SLFN12L: variants seen among roughly 807,000 people sequenced by gnomAD.
SLFN12L encodes the protein schlafen family member 12-like.
Under a neutral mutation model 34.8 loss-of-function variants are expected in SLFN12L, and 34 were observed. The observed-to-expected ratio is 0.98, with a 90% CI of 0.74 to 1.30. The LOEUF (loss-of-function observed/expected upper bound fraction) is 1.30, where lower values mean the gene tolerates loss of function less well. SLFN12L is among the 50% of genes most tolerant of loss of function. The probability of loss-of-function intolerance (pLI) is 0.00; values close to 1 mark genes in which losing one functional copy is unlikely to be tolerated. For synonymous variants in SLFN12L, 259 were observed against 247.5 expected, an observed-to-expected ratio of 1.05 and a Z score of -0.44; for missense variants, 703 against 696.2, an observed-to-expected ratio of 1.01 and a Z score of -0.11.
chr17:35,528,853 T>C (rs1372032506), intron 1 of SLFN12L, among the ~76,000 whole-genome samples: 1 of 152,086 alleles, frequency 6.6e-6, no homozygotes, highest in African/African-American at 2.4e-5. Context: ...GGGATCTAAT[T>C]AAACTAAAGA....
chr17:35,509,682 A>T (rs960072833), intron 2 of SLFN12L, among the ~76,000 whole-genome samples: 2 of 151,958 alleles, frequency 1.3e-5, no homozygotes, highest in African/African-American at 4.8e-5. Flanking sequence ...TGAAATATTA[A>T]ATATTTTAAA....
chr17:35,522,249 T>A, intron 2 of SLFN12L, 30 bp downstream of exon 2: 1 of 1,612,348 alleles, frequency 6.2e-7, no homozygotes, highest in South Asian at 1.1e-5. Flanking sequence ...GATTAAATAA[T>A]ACTTAGAGAC....
At chr17:35,495,390 A>G (rs1457168819) in intron 2 of SLFN12L, among the ~76,000 whole-genome samples, 1 of 152,068 alleles carries the variant, frequency 6.6e-6, no homozygotes. Context: ...CATATTATAC[A>G]CTTTAAATAC....
chr17:35,531,788 T>C (rs1486463040), intron 1 of SLFN12L, among the ~76,000 whole-genome samples: 1 of 151,938 alleles, frequency 6.6e-6, no homozygotes, highest in African/African-American at 2.4e-5. Flanking sequence ...GGCTAACTTT[T>C]TAAATTTTTT....
At chr17:35,510,965 T>A (rs943392160) in intron 2 of SLFN12L, among the ~76,000 whole-genome samples, 1 of 152,196 alleles carries the variant, frequency 6.6e-6, no homozygotes, top group Non-Finnish European at 1.5e-5. Flanking sequence ...CCTATTTTTT[T>A]AACTCAAACT....
intron 2 of SLFN12L, among the ~76,000 whole-genome samples, chr17:35,488,593 C>G (rs554125600): frequency 6.6e-6 from 1 of 152,140 alleles, no homozygotes. Context: ...AGAACCCATA[C>G]TTTTTGAAAT....
rs1913760391 is a variant in SLFN12L at position 35,469,154 on chromosome 17, C to T, written c.*5769G>A. The stretch of plus-strand genomic sequence containing the variant: ...CCCTACTACCCCCTCAAGCTTTCCC[C>T]CGTGACTTCCTGCCCTGTGTCTCTG... On this transcript the variant is annotated 3_prime_UTR_variant, in exon 5 of 5. Transcript: ENST00000628453. 1.3e-5 allele frequency among the ~76,000 whole-genome samples: 2 copies of T among 151,152 alleles called. No individual in the cohort carries two copies. Among genetic ancestry groups the T allele is most frequent in the South Asian group, 4.2e-4 (2 of 4,746 alleles).
intron 2 of SLFN12L, among the ~76,000 whole-genome samples, chr17:35,515,685 C>T (rs1597873300): frequency 7.9e-6 from 1 of 127,284 alleles, no homozygotes; most frequent in Non-Finnish European, 1.6e-5. Flanking sequence ...TCTTTGTTGC[C>T]CAGGCTGGAG....
intron 1 of SLFN12L, among the ~76,000 whole-genome samples, chr17:35,530,500 GAAAGAAAGAAAGAAAAGA>G (rs1449443889): frequency 5.8e-5 from 2 of 34,688 alleles, no homozygotes; most frequent in African/African-American, 7.8e-5. Context: ...AAGAAAGAAA[GAAAGAAAGAAAGAAAAGA>G]AAAGAAAAGA....
At chr17:35,485,780 G>A (rs1914556550) in intron 2 of SLFN12L, among the ~76,000 whole-genome samples, 1 of 152,174 alleles carries the variant, frequency 6.6e-6, no homozygotes, top group African/African-American at 2.4e-5. Context: ...TATTTTGGTG[G>A]ACTTTATCAA....
At chr17:35,483,126 C>T (rs1443496950) in intron 2 of SLFN12L, among the ~76,000 whole-genome samples, 3 of 152,118 alleles carry the variant, frequency 2.0e-5, no homozygotes, top group Non-Finnish European at 2.9e-5. Flanking sequence ...TCCCCAGGGC[C>T]TCCTCTCTGC....
intron 2 of SLFN12L, among the ~76,000 whole-genome samples, chr17:35,487,471 A>ACCCCCCC (rs570622363): frequency 1.3e-5 from 2 of 149,512 alleles, no homozygotes; most frequent in African/African-American, 2.5e-5. Flanking sequence ...CCCACGGACC[A>ACCCCCCC]CCCCCCCCGG....
chr17:35,487,128 G>C (rs1382215158), intron 2 of SLFN12L, among the ~76,000 whole-genome samples: 1 of 152,208 alleles, frequency 6.6e-6, no homozygotes. Context: ...CTCCAGGAGG[G>C]TGGGCAACCC....
chr17:35,514,754 G>T, intron 2 of SLFN12L: 2 of 391,644 alleles, frequency 5.1e-6, no homozygotes, highest in South Asian at 4.1e-5. Context: ...TTATTATGTT[G>T]ACATTTGTTT....
Position 35,529,495 on chromosome 17 carries a change from C to T in SLFN12L, c.-605-6526G>A, listed in dbSNP as rs529266193. 9.9e-5 allele frequency among the ~76,000 whole-genome samples: 15 copies of T among 152,270 alleles called. No individual in the cohort carries two copies. The East Asian group carries it at 2.9e-3, about 29-fold the overall frequency. ...ATAAAGAAAATGTGGCACATATACA[C>T]CATGGAATACTATGCAGCCATTAAA... On this transcript the variant is annotated intron_variant, in intron 1 of 4. Transcript: ENST00000628453.
intron 2 of SLFN12L, chr17:35,515,283 G>A: frequency 2.6e-6 from 1 of 389,846 alleles, no homozygotes; most frequent in South Asian, 2.3e-5. Context: ...CAGACCCGAC[G>A]CCGGCGGGAC....
At chr17:35,503,184 G>A (rs927072060) in intron 2 of SLFN12L, among the ~76,000 whole-genome samples, 1 of 152,106 alleles carries the variant, frequency 6.6e-6, no homozygotes. Flanking sequence ...CTACATTAAA[G>A]GGTTAAAAAA....
intron 2 of SLFN12L, among the ~76,000 whole-genome samples, chr17:35,521,318 T>C (rs1399862846): frequency 2.0e-5 from 3 of 152,212 alleles, no homozygotes; most frequent in Non-Finnish European, 4.4e-5. Flanking sequence ...AGCAATGTAC[T>C]ATGGTTGTGA....
At chr17:35,514,838 A>G in intron 2 of SLFN12L, 4 of 396,616 alleles carry the variant, frequency 1.0e-5, no homozygotes, top group South Asian at 8.3e-5. Flanking sequence ...CTTTGTCAGA[A>G]GCATCTGGAT....
Sources: allele counts gnomAD v4.1 joint callset (sites outside exome capture counted in the v4.1 genomes callset), GRCh38; gene constraint gnomAD v4.1.1; transcripts MANE v1.5; gene names NCBI Gene and HGNC (gene_info 2026-07-23, HGNC 2026-07-21).